Variants in RASGRF2 observed in about 807,000 individuals in gnomAD.
RASGRF2 encodes ras-specific guanine nucleotide-releasing factor 2.
A neutral mutation model predicts 151.0 loss-of-function variants in RASGRF2; 76 were observed. That is an observed-to-expected ratio of 0.50 (90% CI 0.42 to 0.61). The LOEUF (loss-of-function observed/expected upper bound fraction) is 0.61, where lower values mean the gene tolerates loss of function less well. Ranked by LOEUF, RASGRF2 falls within the 20% of genes least tolerant of loss-of-function variation. The pLI is 0.00. For missense variants in RASGRF2, 1,148 were observed against 1,564.6 expected (o/e 0.73, Z 4.49); for synonymous variants, 504 against 566.5 (o/e 0.89, Z 1.57).
At chr5:80,964,940 T>G (rs930853318) in intron 1 of RASGRF2, among the ~76,000 whole-genome samples, 1 of 152,086 alleles carries the variant, frequency 6.6e-6, no homozygotes, top group Admixed American at 6.5e-5. Context: ...AGAAGACACA[T>G]AGCAAAAAAG....
chr5:81,215,123 G>A (rs1019327916), intron 23 of RASGRF2, among the ~76,000 whole-genome samples: 1 of 152,054 alleles, frequency 6.6e-6, no homozygotes, highest in African/African-American at 2.4e-5. Context: ...CAGATCACTC[G>A]AGGTCAGGAG....
At position 81,228,401 on chromosome 5, in the gene RASGRF2, T is replaced by C. The variant is rs1756044806; in HGVS notation, c.*2631T>C. 1 of 152,096 alleles carries C rather than the reference T, an allele frequency of 6.6e-6. No homozygotes were observed. The highest frequency in any genetic ancestry group is 2.4e-5 in the African/African-American group (1 of 41,398). 9.4% of individuals were successfully genotyped at this position (152,096 alleles called of 1,614,324 possible). ...CCCTTCAATTTGGTCAAATTAAAAA[T>C]CCCCAAGAGCAATTTGCAGTGTTTT... On this transcript the variant is annotated 3_prime_UTR_variant, in exon 27 of 27. Transcript: ENST00000265080.
intron 17 of RASGRF2, among the ~76,000 whole-genome samples, chr5:81,142,422 G>T (rs1753906462): frequency 6.6e-6 from 1 of 152,202 alleles, no homozygotes; most frequent in African/African-American, 2.4e-5. Flanking sequence ...TCTATCTTCT[G>T]GTTAGTCAGA....
chr5:81,096,227 C>T (rs1380519214), intron 12 of RASGRF2: 1 of 152,122 alleles, frequency 6.6e-6, no homozygotes, highest in Non-Finnish European at 1.5e-5. Context: ...ATGGGATCTT[C>T]CATTTTTGTG....
intron 26 of RASGRF2, among the ~76,000 whole-genome samples, chr5:81,223,763 A>G (rs1755913340): frequency 6.6e-6 from 1 of 152,188 alleles, no homozygotes; most frequent in South Asian, 2.1e-4. Flanking sequence ...AAGGCACTCA[A>G]AGAAAGTGCC....
intron 1 of RASGRF2, among the ~76,000 whole-genome samples, chr5:81,039,557 T>G (rs1580240264): frequency 1.3e-5 from 2 of 152,270 alleles, no homozygotes; most frequent in South Asian, 4.1e-4. Flanking sequence ...CCCCATTACA[T>G]TGGATTTTAA....
At chr5:80,961,118 A>C in intron 1 of RASGRF2, 92 bp downstream of exon 1, 2 of 1,345,498 alleles carry the variant, frequency 1.5e-6, no homozygotes, top group South Asian at 1.7e-5. Flanking sequence ...GGGGTCGTGA[A>C]AGAGTGCGGG....
intron 1 of RASGRF2, among the ~76,000 whole-genome samples, chr5:80,999,144 A>AGG (rs1748996110): frequency 3.9e-5 from 6 of 151,914 alleles, no homozygotes; most frequent in Admixed American, 2.6e-4. Context: ...TTGGAGGAGG[A>AGG]AGCAAGGTAT....
chr5:81,183,169 T>C, intron 18 of RASGRF2: 2 of 982,556 alleles, frequency 2.0e-6, no homozygotes, highest in South Asian at 9.4e-5. Flanking sequence ...TCTCACATGG[T>C]GAACTACCCA....
chr5:81,086,729 C>T (rs979817025), intron 8 of RASGRF2, 106 bp from the exon 9 acceptor site: 2 of 892,226 alleles, frequency 2.2e-6, no homozygotes, highest in Non-Finnish European at 3.5e-6. Context: ...CCGGTTCAAT[C>T]GATACAAGCT....
chr5:81,208,534 CT>C (rs71000806), intron 22 of RASGRF2, 96 bp downstream of exon 22: 472 of 251,360 alleles, frequency 1.9e-3, no homozygotes, highest in South Asian at 3.3e-3. Context: ...CTGTCACCCA[CT>C]TTTTTTTTTT....
At chr5:81,168,294 C>CT (rs1206791721) in intron 17 of RASGRF2, among the ~76,000 whole-genome samples, 21 of 131,756 alleles carry the variant, frequency 1.6e-4, no homozygotes, top group Non-Finnish European at 6.3e-5. Flanking sequence ...ATGCCAGCGT[C>CT]TTTTTTTTTC....
At chr5:81,082,412 C>T (rs145932338) in intron 7 of RASGRF2, among the ~76,000 whole-genome samples, 8 of 152,226 alleles carry the variant, frequency 5.3e-5, no homozygotes, top group African/African-American at 1.9e-4. Context: ...GATTGACCCC[C>T]GGGAATTTTT....
chr5:81,092,159 T>C (rs962815104), intron 9 of RASGRF2, among the ~76,000 whole-genome samples: 3 of 152,202 alleles, frequency 2.0e-5, no homozygotes, highest in Non-Finnish European at 1.5e-5. Context: ...AGGAGTATAC[T>C]GGGTATAGAT....
chr5:80,985,337 G>T (rs1748442216), intron 1 of RASGRF2, among the ~76,000 whole-genome samples: 1 of 152,106 alleles, frequency 6.6e-6, no homozygotes, highest in African/African-American at 2.4e-5. Context: ...TATTTATATG[G>T]TCTATTTTTC....
rs554047053 is a variant in RASGRF2, at chr5:81,022,898, G to A, written c.289-19979G>A. Among the ~76,000 whole-genome samples the A allele has an allele frequency of 3.3e-5, 5 of 152,216 alleles. No homozygotes were observed. The South Asian group carries it at 8.3e-4, about 25-fold the overall frequency. Reference sequence around the variant, plus strand: ...GTTGCGTCAGTGGGTCTAGTTCTAGGTGAGGGCTAATAAATTCCAGAAAGA... The same window carrying A: ...GTTGCGTCAGTGGGTCTAGTTCTAGATGAGGGCTAATAAATTCCAGAAAGA... On this transcript the variant is annotated intron_variant, in intron 1 of 26. Transcript: ENST00000265080.
At chr5:81,147,712 G>A (rs2112613375) in intron 17 of RASGRF2, among the ~76,000 whole-genome samples, 1 of 152,136 alleles carries the variant, frequency 6.6e-6, no homozygotes, top group East Asian at 1.9e-4. Flanking sequence ...GCATTTGAAT[G>A]GTAACAGCGC....
rs576023616 is a variant in RASGRF2, at chr5:80,991,125, C to T, written c.288+30099C>T. Among the ~76,000 whole-genome samples the T allele has an allele frequency of 2.6e-5, 4 of 152,294 alleles. No individual in the cohort carries two copies. In the South Asian group the frequency reaches 8.3e-4, roughly 32 times the overall value. On this transcript the variant is annotated intron_variant, in intron 1 of 26. Transcript: ENST00000265080. ...GCCTCTCAAACCTTACAAAGATCTG[C>T]AAATCCCCTGGAGGCCTTGTAAAAT...
chr5:80,996,517 C>T (rs1344033094), intron 1 of RASGRF2, among the ~76,000 whole-genome samples: 11,770 of 31,234 alleles, frequency 0.38, 927 homozygotes, highest in South Asian at 0.44. Context: ...CCTCCTCCTC[C>T]TCCCCCTCCT....
Sources: allele counts gnomAD v4.1 joint callset (sites outside exome capture counted in the v4.1 genomes callset), GRCh38; gene constraint gnomAD v4.1.1; transcripts MANE v1.5; gene names NCBI Gene and HGNC (gene_info 2026-07-23, HGNC 2026-07-21).